ARHGEF10L: variants seen among roughly 807,000 people sequenced by gnomAD.
ARHGEF10L encodes the protein rho guanine nucleotide exchange factor 10-like protein.
ARHGEF10L carries 69 observed loss-of-function variants against 141.2 expected under a neutral mutation model. The observed-to-expected ratio is 0.49, with a 90% CI of 0.40 to 0.60. The LOEUF is 0.60. Among genes scored for constraint, ARHGEF10L ranks in the 20% least tolerant of loss-of-function variants. The pLI, the probability that ARHGEF10L is intolerant of heterozygous loss-of-function variation, is 0.00. For missense variants in ARHGEF10L, 1,482 were observed against 1,734.3 expected, an observed-to-expected ratio of 0.85 and a Z score of 2.58; for synonymous variants, 711 against 718.5, an observed-to-expected ratio of 0.99 and a Z score of 0.17.
At chr1:17,645,496 C>T (rs1347262672) in intron 21 of ARHGEF10L, among the ~76,000 whole-genome samples, 1 of 152,060 alleles carries the variant, frequency 6.6e-6, no homozygotes, top group Non-Finnish European at 1.5e-5. Flanking sequence ...GGGAGATGCT[C>T]GCTCACCCAG....
In ARHGEF10L at chr1:17,689,857, G is replaced by T. The variant is rs551482605; in HGVS notation, c.3184+2110G>T. 1.1e-3 allele frequency: 506 copies of T among 456,096 alleles called. 10 individuals carry two copies. Among genetic ancestry groups the T allele is most frequent in the South Asian group, 7.0e-3 (455 of 64,550 alleles). 28.3% of individuals were successfully genotyped at this position (456,096 alleles called of 1,614,324 possible). A position where few individuals can be genotyped will look rare whatever the true frequency, so the allele number is the denominator to read the frequency against. ...AGTGAGAGAGAGTCAAGCTGATCAA[G>T]TGGTGGGAGGCAGGATGTGTGGACA... On this transcript the variant is annotated intron_variant, in intron 27 of 28. Coordinates refer to ENST00000361221, the MANE Select transcript of ARHGEF10L (RefSeq NM_018125.4).
chr1:17,613,136 A>G lies in ARHGEF10L; in HGVS notation c.688A>G (p.Arg230Gly). The change falls in exon 8 of 29, where the codon AGA becomes GGA. Residue 230 changes from arginine to glycine, a missense_variant. This residue lies in a region of ARHGEF10L where 392 missense variants were observed against 542.1 expected (regional missense o/e 0.72). Coordinates refer to ENST00000361221, the MANE Select transcript of ARHGEF10L (RefSeq NM_018125.4). ...RDILALRVGG[R>G]DMQELKHKYD... ...CATCTTGGCTTTGAGAGTTGGGGGG[A>G]GAGACATGCAGGAGCTGAAGCACAA... The G allele has an allele frequency of 6.2e-7, 1 of 1,613,592 alleles. No individual in the cohort carries two copies. The highest frequency in any genetic ancestry group is 8.5e-7 in the Non-Finnish European group (1 of 1,179,780).
chr1:17,571,823 C>T (rs1010275699), intron 1 of ARHGEF10L, among the ~76,000 whole-genome samples: 1 of 152,172 alleles, frequency 6.6e-6, no homozygotes, highest in African/African-American at 2.4e-5. Context: ...CATGAACCAC[C>T]ATGTCTGGCC....
rs116839866 is a variant in ARHGEF10L at position 17,667,172 on chromosome 1, G to A, written c.3009+2577G>A. ...CTCGGCCTGTAGGCCTAGTGTGCTG[G>A]GCGCCCATTCAGGGCAGTGGTGTGA... is the stretch of plus-strand genomic sequence containing the variant. On this transcript the variant is annotated intron_variant, in intron 26 of 28. Coordinates refer to ENST00000361221, the MANE Select transcript of ARHGEF10L (RefSeq NM_018125.4). 2.6e-3 allele frequency among the ~76,000 whole-genome samples: 393 copies of A among 152,372 alleles called. 2 individuals are homozygous for A. Among genetic ancestry groups the A allele is most frequent in the African/African-American group, 9.2e-3 (381 of 41,598 alleles).
chr1:17,618,997 C>T lies in ARHGEF10L; in HGVS notation c.836-342C>T, dbSNP rs574500137. Among the ~76,000 whole-genome samples the T allele has an allele frequency of 9.2e-5, 14 of 152,298 alleles. No individual in the cohort carries two copies. In the South Asian group the frequency reaches 1.7e-3, roughly 18 times the overall value. ...GATGGGGACATGGGCAGCTAGCCTT[C>T]GCCAGGCCAGAGCGGGCGGGCCTGA... On this transcript the variant is annotated intron_variant, in intron 9 of 28. Coordinates refer to ENST00000361221, the MANE Select transcript of ARHGEF10L (RefSeq NM_018125.4).
chr1:17,587,564 G>A lies in ARHGEF10L; in HGVS notation c.142G>A (p.Ala48Thr), dbSNP rs138712645. ...DDSDDEEDTS[A>T]ALGVPSLAPE... is the part of the protein sequence containing the mutation. ...CAGTGATGATGAAGAGGACACCAGCGCAGCCCTGGGCGTCCCCAGCCTTGC... is the reference window on the plus strand; with the variant it reads ...CAGTGATGATGAAGAGGACACCAGCACAGCCCTGGGCGTCCCCAGCCTTGC... Residue 48 changes from alanine to threonine, a missense_variant, in exon 3 of 29, where the codon GCA (alanine) becomes ACA (threonine). Ala to Thr is a moderately conservative substitution (Grantham distance 58). Around this residue, in one of 3 missense-constraint regions of ARHGEF10L, gnomAD observed 232 missense variants for 225.9 expected, o/e 1.03. Transcript: ENST00000361221. 59 of 1,614,056 alleles carry A rather than the reference G, an allele frequency of 3.7e-5. No individual in the cohort carries two copies. Among genetic ancestry groups the A allele is most frequent in the Non-Finnish European group, 4.4e-5 (52 of 1,180,036 alleles).
chr1:17,597,051 C>A lies in ARHGEF10L; in HGVS notation c.258-5076C>A, dbSNP rs181962037. Among the ~76,000 whole-genome samples the A allele has an allele frequency of 2.0e-5, 3 of 152,182 alleles. No individual in the cohort carries two copies. In the East Asian group the frequency reaches 5.8e-4, roughly 29 times the overall value. On this transcript the variant is annotated intron_variant, in intron 4 of 28. Coordinates refer to ENST00000361221, the MANE Select transcript of ARHGEF10L (RefSeq NM_018125.4). Reference sequence around the variant, plus strand: ...CTTCTGGTGCACTTGAACTCCTCTGCCGGCAATGTAGGTTGCTGCTTGGGG... The same window carrying A: ...CTTCTGGTGCACTTGAACTCCTCTGACGGCAATGTAGGTTGCTGCTTGGGG...
At chr1:17,643,083 G>C (rs3766306) in intron 21 of ARHGEF10L, among the ~76,000 whole-genome samples, 5 of 152,214 alleles carry the variant, frequency 3.3e-5, no homozygotes, top group Non-Finnish European at 7.4e-5. Context: ...TGAATGCCTG[G>C]GTTCCCCTGG....
intron 26 of ARHGEF10L, among the ~76,000 whole-genome samples, chr1:17,674,143 TTCTC>T (rs1278992666): frequency 6.6e-6 from 1 of 152,306 alleles, no homozygotes; most frequent in South Asian, 2.1e-4. Context: ...TTGACTTGGC[TTCTC>T]TCTCTCCTTT....
chr1:17,585,229 G>A (rs1055219277), intron 2 of ARHGEF10L, among the ~76,000 whole-genome samples: 6 of 152,156 alleles, frequency 3.9e-5, no homozygotes, highest in Admixed American at 3.9e-4. Context: ...TTCTGTCAGC[G>A]CAGGGCAGAA....
intron 1 of ARHGEF10L, among the ~76,000 whole-genome samples, chr1:17,541,886 G>A (rs1225155033): frequency 1.3e-5 from 2 of 152,190 alleles, no homozygotes; most frequent in Non-Finnish European, 2.9e-5. Context: ...AGAATCGCTT[G>A]AACCCGGGAA....
At chr1:17,529,264 A>G in the ARHGEF10L span, among the ~76,000 whole-genome samples, 130 of 152,276 alleles carry the variant, frequency 8.5e-4, 2 homozygotes, top group African/African-American at 2.9e-3. Context: ...CGGCCTCCCA[A>G]TGTGCTGGGT....
intron 5 of ARHGEF10L, among the ~76,000 whole-genome samples, chr1:17,602,560 A>C (rs1280698123): frequency 6.6e-6 from 1 of 152,202 alleles, no homozygotes; most frequent in East Asian, 1.9e-4. Context: ...TGAGCCCTCC[A>C]GAAAGAGAGG....
At chr1:17,513,795 CT>C in the ARHGEF10L span, among the ~76,000 whole-genome samples, 13 of 152,034 alleles carry the variant, frequency 8.6e-5, no homozygotes, top group Admixed American at 8.5e-4. Context: ...GAAATTCTTT[CT>C]TTTTTTCTCT....
chr1:17,548,488 A>G (rs1315373005), intron 1 of ARHGEF10L, among the ~76,000 whole-genome samples: 1 of 152,022 alleles, frequency 6.6e-6, no homozygotes, highest in Non-Finnish European at 1.5e-5. Flanking sequence ...AAGGTTTGTT[A>G]TGCAGATAAA....
Position 17,630,360 on chromosome 1 carries a change from C to T in ARHGEF10L, c.1585-1961C>T, listed in dbSNP as rs560770633. Reference sequence around the variant, plus strand: ...GGGCAGCGCTGACTGCCAGAGCCCACGGGACTTTCCTCTTCCAAGTTTTGG... The same window carrying T: ...GGGCAGCGCTGACTGCCAGAGCCCATGGGACTTTCCTCTTCCAAGTTTTGG... On this transcript the variant is annotated intron_variant, in intron 15 of 28. Coordinates refer to ENST00000361221, the MANE Select transcript of ARHGEF10L (RefSeq NM_018125.4). 1.2e-4 allele frequency among the ~76,000 whole-genome samples: 19 copies of T among 152,376 alleles called. No individual in the cohort carries two copies. The South Asian group carries it at 2.5e-3, about 20-fold the overall frequency.
chr1:17,553,116 C>T (rs941184935), intron 1 of ARHGEF10L, among the ~76,000 whole-genome samples: 1 of 152,218 alleles, frequency 6.6e-6, no homozygotes, highest in Non-Finnish European at 1.5e-5. Context: ...GGACCAGAAC[C>T]CCAGCATCCC....
intron 26 of ARHGEF10L, among the ~76,000 whole-genome samples, chr1:17,669,899 A>C (rs1443950296): frequency 6.6e-6 from 1 of 152,192 alleles, no homozygotes. Flanking sequence ...GTGTCATGAG[A>C]CCAGGGACAG....
intron 21 of ARHGEF10L, among the ~76,000 whole-genome samples, chr1:17,641,161 C>A (rs1312846339): frequency 6.6e-6 from 1 of 152,232 alleles, no homozygotes; most frequent in Non-Finnish European, 1.5e-5. Context: ...AATTACTTTA[C>A]TTGTCCATTT....
Sources: allele counts gnomAD v4.1 joint callset (sites outside exome capture counted in the v4.1 genomes callset), GRCh38; gene constraint gnomAD v4.1.1; regional missense constraint gnomAD v4.1.1; transcripts MANE v1.5; gene names NCBI Gene and HGNC (gene_info 2026-07-23, HGNC 2026-07-21).